Variants in ADGRF1 observed in about 807,000 individuals in gnomAD.
ADGRF1 encodes the protein G protein-coupled receptor 110.
Under a neutral mutation model 87.2 loss-of-function variants are expected in ADGRF1, and 85 were observed. That is an observed-to-expected ratio of 0.97 (90% confidence interval 0.82 to 1.17). ADGRF1 has a LOEUF of 1.17. ADGRF1 is among the 50% of genes most tolerant of loss of function. The pLI, the probability that ADGRF1 is intolerant of heterozygous loss-of-function variation, is 0.00. For missense variants in ADGRF1, 1,169 were observed against 1,077.2 expected, an observed-to-expected ratio of 1.09 and a Z score of -1.19; for synonymous variants, 430 against 408.8, an observed-to-expected ratio of 1.05 and a Z score of -0.63.
intron 7 of ADGRF1, chr6:47,016,993 A>T: frequency 2.8e-6 from 1 of 351,638 alleles, no homozygotes; most frequent in Non-Finnish European, 4.2e-6. Context: ...TACAGATATA[A>T]TTATGGGGCC....
intron 11 of ADGRF1, 63 bp from the exon 12 acceptor site, chr6:47,007,357 T>C: frequency 1.0e-6 from 1 of 961,708 alleles, no homozygotes; most frequent in African/African-American, 1.6e-5. Context: ...AGAAAGCATT[T>C]ATATGTAACA....
At chr6:47,031,265 C>G (rs1237383175) in intron 1 of ADGRF1, among the ~76,000 whole-genome samples, 2 of 150,952 alleles carry the variant, frequency 1.3e-5, no homozygotes, top group African/African-American at 2.5e-5. Flanking sequence ...GTGTCTCTCT[C>G]TCTCTTCTCT....
chr6:47,008,521 A>C (rs1278996886), intron 11 of ADGRF1, among the ~76,000 whole-genome samples: 3 of 152,240 alleles, frequency 2.0e-5, no homozygotes, highest in African/African-American at 7.2e-5. Context: ...CTTTATTTAC[A>C]AAAACAGGCT....
intron 1 of ADGRF1, among the ~76,000 whole-genome samples, chr6:47,041,629 G>A (rs896146489): frequency 6.6e-6 from 1 of 152,190 alleles, no homozygotes; most frequent in African/African-American, 2.4e-5. Flanking sequence ...GAAGTAGCAG[G>A]AGAAATGGTT....
intron 1 of ADGRF1, among the ~76,000 whole-genome samples, chr6:47,030,476 T>G (rs1231781837): frequency 6.6e-6 from 1 of 152,104 alleles, no homozygotes; most frequent in South Asian, 2.1e-4. Flanking sequence ...CGCCTGCGCT[T>G]TCTGCTTTCT....
At position 46,997,813 on chromosome 6, in the gene ADGRF1, ATTT is replaced by A. The variant is rs964265835; in HGVS notation, c.*2406_*2408del. The A allele has an allele frequency of 1.4e-4, 18 of 125,812 alleles. No homozygotes were observed. The highest frequency in any genetic ancestry group is 5.5e-4 in the African/African-American group (15 of 27,488). 7.8% of individuals were successfully genotyped at this position (125,812 alleles called of 1,614,324 possible). ...GCACATACATGATATCTGATCAAAC[ATTT>A]TTTTGTCTCTCATCATCCTCATAAA... On this transcript the variant is annotated 3_prime_UTR_variant, in exon 15 of 15. Transcript: ENST00000371253.
In ADGRF1 at chr6:47,025,854, C is replaced by T. The variant is rs1480081352; in HGVS notation, c.277G>A (p.Asp93Asn). The change falls in exon 4 of 15, where the codon GAC becomes AAC. Residue 93 changes from aspartate to asparagine, a missense_variant and splice_region_variant. Physicochemically the swap from Asp to Asn is conservative, Grantham distance 23. Transcript: ENST00000371253. ...IRIIRAKATT[D>N]CNSLNGVLQC... ...ATCCAGTCACCGAGAGCCACCTTAC[C>T]TGTGGTAGCCTTTGCTCTGATAATT... 10 of 1,578,722 alleles carry T rather than the reference C, an allele frequency of 6.3e-6. No individual in the cohort carries two copies. The highest frequency in any genetic ancestry group is 7.8e-6 in the Non-Finnish European group (9 of 1,157,586).
In ADGRF1 at chr6:47,014,774, G is replaced by A. The variant is rs757130404; in HGVS notation, c.834C>T (p.Gly278=). ...DDEYTLPCSS[G]YRGNITAKCE... is the part of the protein sequence containing the mutation. Reference sequence around the variant, plus strand: ...ACTTGGCTGTGATGTTTCCCCTGTAGCCACTGCTGCAGGGCAGGGTATATT... The same window carrying A: ...ACTTGGCTGTGATGTTTCCCCTGTAACCACTGCTGCAGGGCAGGGTATATT... Residue 278 remains glycine, a synonymous_variant, in exon 9 of 15, where the codon GGC becomes GGT. Transcript: ENST00000371253. 3.1e-6 allele frequency: 5 copies of A among 1,613,898 alleles called. No individual in the cohort carries two copies. In the African/African-American group the frequency reaches 6.7e-5, roughly 22 times the overall value.
At chr6:47,028,950 G>C in intron 2 of ADGRF1, 43 bp downstream of exon 2, 2 of 1,493,546 alleles carry the variant, frequency 1.3e-6, no homozygotes, top group South Asian at 1.1e-5. Context: ...AACGAGAGAG[G>C]AGAGTTAGTT....
chr6:47,011,227 G>A (rs758721232), intron 10 of ADGRF1, among the ~76,000 whole-genome samples: 3 of 152,104 alleles, frequency 2.0e-5, no homozygotes. Flanking sequence ...ACAAATTGGA[G>A]TATCTTTTCT....
intron 10 of ADGRF1, 46 bp from the exon 11 acceptor site, chr6:47,010,364 A>T (rs1415819220): frequency 1.7e-5 from 25 of 1,487,392 alleles, no homozygotes; most frequent in East Asian, 2.3e-5. Context: ...GAGTAAACAG[A>T]TAAGAGGACC....
chr6:47,018,399 C>CAA, intron 7 of ADGRF1: 1 of 1,276,600 alleles, frequency 7.8e-7, no homozygotes, highest in Non-Finnish European at 1.0e-6. Flanking sequence ...TTCCGCAGCT[C>CAA]AAATTCTTAC....
intron 8 of ADGRF1, 82 bp from the exon 9 acceptor site, chr6:47,014,926 T>G: frequency 7.0e-7 from 1 of 1,423,818 alleles, no homozygotes; most frequent in Non-Finnish European, 9.2e-7. Context: ...CATGTTCAAA[T>G]GTTTTAGAAC....
chr6:47,001,388 A>C, intron 14 of ADGRF1, 113 bp downstream of exon 14: 2 of 832,980 alleles, frequency 2.4e-6, no homozygotes, highest in Non-Finnish European at 3.8e-6. Context: ...CTGGCTGATA[A>C]TCCCACACTT....
intron 10 of ADGRF1, 147 bp downstream of exon 10, chr6:47,011,860 A>G: frequency 1.5e-6 from 1 of 683,438 alleles, no homozygotes. Context: ...AGTTCCTTGT[A>G]TACCTCAGAG....
In ADGRF1 at chr6:47,009,851, G is replaced by C; in HGVS notation, c.1584C>G (p.Asn528Lys). ...VFLFFSKIES[N>K]LSQPHCVFWD... ...AAAACACACAATGAGGCTGGCTCAG[G>C]TTTGACTCTATCTTGGAAAAAAATA... The change falls in exon 11 of 15, where the codon AAC (asparagine) becomes AAG (lysine). Residue 528 changes from asparagine (N) to lysine (K), a missense_variant. Physicochemically the swap from Asn to Lys is moderately conservative, Grantham distance 94. Transcript: ENST00000371253. The C allele has an allele frequency of 6.2e-7, 1 of 1,614,026 alleles. No individual in the cohort carries two copies. Among genetic ancestry groups the C allele is most frequent in the African/African-American group, 1.3e-5 (1 of 75,052 alleles).
At chr6:47,019,399 G>C (rs1779972733) in intron 7 of ADGRF1, 3 of 984,646 alleles carry the variant, frequency 3.0e-6, no homozygotes, top group Non-Finnish European at 3.6e-6. Context: ...TTTCCTATGG[G>C]TTGGCCAGAT....
intron 8 of ADGRF1, 39 bp from the exon 9 acceptor site, chr6:47,014,883 G>A: frequency 6.4e-7 from 1 of 1,559,986 alleles, no homozygotes; most frequent in Non-Finnish European, 8.7e-7. Context: ...AATGATCCTA[G>A]AATATCCTGG....
chr6:47,011,313 A>T (rs535735047), intron 10 of ADGRF1, among the ~76,000 whole-genome samples: 2 of 152,344 alleles, frequency 1.3e-5, no homozygotes, highest in Non-Finnish European at 2.9e-5. Flanking sequence ...GTTAAGTATT[A>T]TTGTGTGATT....
Sources: allele counts gnomAD v4.1 joint callset (sites outside exome capture counted in the v4.1 genomes callset), GRCh38; gene constraint gnomAD v4.1.1; transcripts MANE v1.5; gene names NCBI Gene and HGNC (gene_info 2026-07-23, HGNC 2026-07-21).